HS3ST4: variants seen among roughly 807,000 people sequenced by gnomAD.
The protein encoded by HS3ST4 is heparan sulfate glucosamine 3-O-sulfotransferase 4.
A neutral mutation model predicts 29.2 loss-of-function variants in HS3ST4; 17 were observed. The ratio of observed to expected loss-of-function variants is 0.58; its 90% CI spans 0.40 to 0.87. HS3ST4 has a LOEUF of 0.87. HS3ST4 is among the 40% of genes least tolerant of loss of function. HS3ST4 has a pLI of 0.00. For missense variants in HS3ST4, 627 were observed against 634.5 expected, an observed-to-expected ratio of 0.99 and a Z score of 0.13; for synonymous variants, 314 against 285.7, an observed-to-expected ratio of 1.10 and a Z score of -1.00.
intron 1 of HS3ST4, among the ~76,000 whole-genome samples, chr16:25,724,028 C>T (rs375210762): frequency 4.1e-5 from 6 of 146,318 alleles, no homozygotes; most frequent in East Asian, 4.2e-4. Flanking sequence ...GCAGCAGAAT[C>T]GCTTGAACCC....
At chr16:26,023,213 C>A (rs888801903) in intron 1 of HS3ST4, among the ~76,000 whole-genome samples, 5 of 151,886 alleles carry the variant, frequency 3.3e-5, no homozygotes, top group African/African-American at 1.2e-4. Context: ...CTTGATGCAC[C>A]ATTTGTACCA....
intron 1 of HS3ST4, among the ~76,000 whole-genome samples, chr16:26,131,423 C>T (rs957362583): frequency 6.6e-6 from 1 of 152,180 alleles, no homozygotes; most frequent in Non-Finnish European, 1.5e-5. Context: ...TCTTCCTGGC[C>T]CTATTTTCTG....
intron 1 of HS3ST4, among the ~76,000 whole-genome samples, chr16:25,827,167 G>A (rs558043620): frequency 2.0e-5 from 3 of 152,108 alleles, no homozygotes; most frequent in Non-Finnish European, 4.4e-5. Context: ...GAGATCCAAC[G>A]TAGCTGCTCT....
chr16:25,709,437 G>A (rs1366148288), intron 1 of HS3ST4, among the ~76,000 whole-genome samples: 1 of 152,154 alleles, frequency 6.6e-6, no homozygotes, highest in Non-Finnish European at 1.5e-5. Flanking sequence ...GGTTATCAAA[G>A]ACAGGAAATG....
In HS3ST4 at chr16:25,815,375, G is replaced by A. The variant is rs115116133; in HGVS notation, c.734+122224G>A. ...GTCTCGCTTTATTGCCCAAGCTGAA[G>A]TGCAGTGGCTCCATCTCGGCTCACT... On this transcript the variant is annotated intron_variant, in intron 1 of 1. Transcript: ENST00000331351. Among the ~76,000 whole-genome samples the A allele has an allele frequency of 9.0e-3, 1,363 of 152,274 alleles. 20 individuals carry two copies. Among genetic ancestry groups the A allele is most frequent in the African/African-American group, 0.031 (1,297 of 41,566 alleles).
chr16:26,103,222 A>G (rs1295127822), intron 1 of HS3ST4, among the ~76,000 whole-genome samples: 2 of 152,170 alleles, frequency 1.3e-5, no homozygotes, highest in African/African-American at 2.4e-5. Context: ...CCTAATAACA[A>G]TAAGGTAAAG....
At chr16:25,806,305 G>A (rs1430915053) in intron 1 of HS3ST4, among the ~76,000 whole-genome samples, 1 of 152,102 alleles carries the variant, frequency 6.6e-6, no homozygotes, top group African/African-American at 2.4e-5. Context: ...ATTCATCTGT[G>A]TATGTGAGTG....
At chr16:25,816,450 AT>A (rs1367966436) in intron 1 of HS3ST4, among the ~76,000 whole-genome samples, 1 of 152,164 alleles carries the variant, frequency 6.6e-6, no homozygotes, top group Non-Finnish European at 1.5e-5. Flanking sequence ...ATTCCAACTG[AT>A]GTCTGATCTG....
intron 1 of HS3ST4, among the ~76,000 whole-genome samples, chr16:25,769,641 G>A (rs11074718): frequency 0.67 from 102,382 of 152,094 alleles, 34,709 homozygotes; most frequent in Middle Eastern, 0.73. Context: ...TGAAAAGGAA[G>A]CCTTGACTTT....
chr16:26,100,043 C>G (rs1025341804), intron 1 of HS3ST4, among the ~76,000 whole-genome samples: 2 of 152,044 alleles, frequency 1.3e-5, no homozygotes, highest in African/African-American at 4.8e-5. Flanking sequence ...AACAGTGGAG[C>G]CTGGAAAGCA....
At chr16:25,904,802 TA>T (rs1008504939) in intron 1 of HS3ST4, among the ~76,000 whole-genome samples, 1 of 152,276 alleles carries the variant, frequency 6.6e-6, no homozygotes, top group African/African-American at 2.4e-5. Flanking sequence ...GGCTCATGTA[TA>T]AAAAAAGTAT....
At chr16:26,015,966 A>C (rs1969358740) in intron 1 of HS3ST4, among the ~76,000 whole-genome samples, 1 of 152,128 alleles carries the variant, frequency 6.6e-6, no homozygotes. Context: ...ACTGAAATCT[A>C]GTGGATGACG....
chr16:25,772,592 A>AG (rs1392289174), intron 1 of HS3ST4, among the ~76,000 whole-genome samples: 4 of 152,150 alleles, frequency 2.6e-5, no homozygotes, highest in African/African-American at 4.8e-5. Flanking sequence ...TTATCTTCTT[A>AG]TGGGCTTTTA....
At chr16:25,709,754 T>G (rs949130179) in intron 1 of HS3ST4, among the ~76,000 whole-genome samples, 13 of 152,098 alleles carry the variant, frequency 8.5e-5, no homozygotes, top group Admixed American at 2.0e-4. Context: ...ATCCAGTCTC[T>G]AAACCTAAGA....
chr16:26,081,786 CTTTTTTTTTT>C (rs56169806), intron 1 of HS3ST4, among the ~76,000 whole-genome samples: 38 of 85,002 alleles, frequency 4.5e-4, no homozygotes, highest in African/African-American at 1.7e-3. Flanking sequence ...GGAGTACATT[CTTTTTTTTTT>C]TTTTTTTTTT....
rs868023506 is a variant in HS3ST4 at position 25,828,240 on chromosome 16, T to G, written c.734+135089T>G. Among the ~76,000 whole-genome samples the G allele has an allele frequency of 2.1e-3, 127 of 59,704 alleles. 3 individuals are homozygous for G. The highest frequency in any genetic ancestry group is 4.3e-3 in the African/African-American group (58 of 13,460). 39.2% of individuals were successfully genotyped at this position (59,704 alleles called of 152,430 possible). A position where few individuals can be genotyped will look rare whatever the true frequency, so the allele number is the denominator to read the frequency against. On this transcript the variant is annotated intron_variant, in intron 1 of 1. Coordinates refer to ENST00000331351, the MANE Select transcript of HS3ST4 (RefSeq NM_006040.3). ...TTCTTTCCTTTCTTTCTTTCTTTCT[T>G]TCTCTTTCTTTCTTTCTTTCTTTCT...
At chr16:26,048,909 G>T (rs1898302420) in intron 1 of HS3ST4, among the ~76,000 whole-genome samples, 2 of 152,086 alleles carry the variant, frequency 1.3e-5, no homozygotes, top group Admixed American at 1.3e-4. Context: ...TCTTTAAGGA[G>T]AATGTGTTAG....
At chr16:25,791,151 T>C (rs1966868380) in intron 1 of HS3ST4, among the ~76,000 whole-genome samples, 1 of 152,104 alleles carries the variant, frequency 6.6e-6, no homozygotes, top group Non-Finnish European at 1.5e-5. Context: ...AAATCCACTT[T>C]CCCCGCATTG....
intron 1 of HS3ST4, among the ~76,000 whole-genome samples, chr16:25,925,002 A>G (rs949087554): frequency 6.6e-6 from 1 of 152,046 alleles, no homozygotes; most frequent in Admixed American, 6.6e-5. Context: ...CATACAGGGC[A>G]TGTAATAAAT....
Sources: gnomAD v4.1 joint callset for allele counts (sites outside exome capture counted in the v4.1 genomes callset) on GRCh38, gnomAD v4.1.1 for gene constraint, MANE v1.5 for transcripts, NCBI Gene and HGNC (gene_info 2026-07-23, HGNC 2026-07-21) for gene names.